The following PEX5L variants were observed in gnomAD, a reference collection of about 807,000 sequenced individuals.
PEX5L encodes the protein peroxisomal biogenesis factor 5 like, also known as PEX5-related protein.
A neutral mutation model predicts 84.0 loss-of-function variants in PEX5L; 30 were observed. The ratio of observed to expected loss-of-function variants is 0.36; its 90% CI spans 0.27 to 0.48. The LOEUF (loss-of-function observed/expected upper bound fraction) is 0.48, where lower values mean the gene tolerates loss of function less well. PEX5L is among the 20% of genes least tolerant of loss of function. The probability of loss-of-function intolerance (pLI) is 0.99; values close to 1 mark genes in which losing one functional copy is unlikely to be tolerated. For missense variants in PEX5L, 533 were observed against 754.6 expected, an observed-to-expected ratio of 0.71 and a Z score of 3.44; for synonymous variants, 270 against 283.1, an observed-to-expected ratio of 0.95 and a Z score of 0.46.
At chr3:179,859,569 A>G (rs1241214606) in intron 7 of PEX5L, among the ~76,000 whole-genome samples, 2 of 152,212 alleles carry the variant, frequency 1.3e-5, no homozygotes, top group Non-Finnish European at 2.9e-5. Flanking sequence ...TGTGAGGAAG[A>G]TCAGCCTCCG....
intron 1 of PEX5L, 67 bp downstream of exon 1, chr3:180,036,511 CT>C (rs1791920189): frequency 6.8e-7 from 1 of 1,475,984 alleles, no homozygotes; most frequent in Admixed American, 1.7e-5. Flanking sequence ...ACCACAGAAA[CT>C]TGGTGAACCG....
intron 3 of PEX5L, among the ~76,000 whole-genome samples, chr3:179,896,951 A>C (rs1356466767): frequency 6.6e-6 from 1 of 152,158 alleles, no homozygotes; most frequent in African/African-American, 2.4e-5. Context: ...GTTATTAGGA[A>C]GTAGCATCTC....
At chr3:179,858,918 T>C in intron 8 of PEX5L, 144 bp downstream of exon 8, 1 of 622,540 alleles carries the variant, frequency 1.6e-6, no homozygotes, top group Non-Finnish European at 2.9e-6. Flanking sequence ...TACCAAATGA[T>C]TGTCTCATTT....
At chr3:179,989,692 ATGAT>A (rs745556892) in intron 1 of PEX5L, among the ~76,000 whole-genome samples, 2 of 152,174 alleles carry the variant, frequency 1.3e-5, no homozygotes, top group Non-Finnish European at 2.9e-5. Flanking sequence ...GATTATGAAA[ATGAT>A]TGATTGAGAA....
chr3:179,876,652 G>A (rs1752516038), intron 5 of PEX5L, among the ~76,000 whole-genome samples: 1 of 152,076 alleles, frequency 6.6e-6, no homozygotes, highest in African/African-American at 2.4e-5. Flanking sequence ...ACTGCTGTGT[G>A]ACCATCACCA....
chr3:179,948,114 T>C (rs906114002), intron 2 of PEX5L, among the ~76,000 whole-genome samples: 5 of 152,216 alleles, frequency 3.3e-5, no homozygotes, highest in Admixed American at 6.5e-5. Flanking sequence ...TTAAAAGCAT[T>C]ACCATCTAGG....
chr3:179,837,708 G>A (rs371338267), intron 8 of PEX5L, among the ~76,000 whole-genome samples: 2 of 152,212 alleles, frequency 1.3e-5, no homozygotes, highest in African/African-American at 4.8e-5. Context: ...GCTAAATAGT[G>A]GAATTGCTAC....
At chr3:180,017,525 T>C (rs1439924418) in intron 1 of PEX5L, among the ~76,000 whole-genome samples, 2 of 152,194 alleles carry the variant, frequency 1.3e-5, no homozygotes, top group African/African-American at 2.4e-5. Flanking sequence ...CAAAACACTA[T>C]ACATATGACC....
chr3:179,894,937 C>T (rs569506322), intron 3 of PEX5L, among the ~76,000 whole-genome samples: 4 of 152,148 alleles, frequency 2.6e-5, no homozygotes, highest in Admixed American at 1.3e-4. Flanking sequence ...TCACTAAAGT[C>T]ATTTCATTCT....
At chr3:179,991,189 G>A (rs764525135) in intron 1 of PEX5L, among the ~76,000 whole-genome samples, 2 of 152,146 alleles carry the variant, frequency 1.3e-5, no homozygotes, top group African/African-American at 4.8e-5. Context: ...TGGAGCTCCC[G>A]GATGCTTGCC....
chr3:179,926,974 T>G (rs1032212449), intron 2 of PEX5L, among the ~76,000 whole-genome samples: 5 of 152,264 alleles, frequency 3.3e-5, no homozygotes, highest in Admixed American at 2.6e-4. Context: ...GTCTCAGTTT[T>G]GAATATATAT....
At chr3:179,804,369 A>G (rs942290858) in intron 14 of PEX5L, 2 of 152,178 alleles carry the variant, frequency 1.3e-5, no homozygotes, top group African/African-American at 4.8e-5. Flanking sequence ...ATTTAAAAGC[A>G]TCACGTTATA....
At chr3:179,831,338 T>G (rs913241187) in intron 8 of PEX5L, among the ~76,000 whole-genome samples, 7 of 150,150 alleles carry the variant, frequency 4.7e-5, no homozygotes, top group African/African-American at 1.5e-4. Context: ...AAAAAAAACC[T>G]ACAAGACCGC....
intron 8 of PEX5L, among the ~76,000 whole-genome samples, chr3:179,826,963 G>A (rs1730726359): frequency 6.6e-6 from 1 of 152,192 alleles, no homozygotes; most frequent in African/African-American, 2.4e-5. Context: ...AGTGGTAACT[G>A]TAATTCAGGA....
At chr3:179,986,552 G>A (rs1005545241) in intron 1 of PEX5L, among the ~76,000 whole-genome samples, 22 of 151,892 alleles carry the variant, frequency 1.4e-4, no homozygotes, top group East Asian at 1.4e-3. Flanking sequence ...ACAGGCGCCC[G>A]CCACCACGCC....
intron 2 of PEX5L, among the ~76,000 whole-genome samples, chr3:179,906,514 C>T (rs968989867): frequency 1.3e-5 from 2 of 152,104 alleles, no homozygotes; most frequent in Non-Finnish European, 1.5e-5. Context: ...ATAAATAATA[C>T]ATATTTCATA....
At chr3:179,892,231 C>T (rs975420125) in intron 3 of PEX5L, among the ~76,000 whole-genome samples, 2 of 152,054 alleles carry the variant, frequency 1.3e-5, no homozygotes, top group African/African-American at 4.8e-5. Flanking sequence ...CTCCCCTTTC[C>T]TCTTCTCAAT....
chr3:180,016,396 T>C (rs1377816774), intron 1 of PEX5L, among the ~76,000 whole-genome samples: 1 of 152,238 alleles, frequency 6.6e-6, no homozygotes, highest in Admixed American at 6.5e-5. Flanking sequence ...CATGCCCTTG[T>C]CTTTAAGAAA....
chr3:179,976,889 G>A (rs1785852868), intron 1 of PEX5L, among the ~76,000 whole-genome samples: 1 of 151,946 alleles, frequency 6.6e-6, no homozygotes, highest in African/African-American at 2.4e-5. Flanking sequence ...TCATGAAGAA[G>A]GAACTAGAAA....
Sources: allele counts gnomAD v4.1 joint callset (sites outside exome capture counted in the v4.1 genomes callset), GRCh38; gene constraint gnomAD v4.1.1; transcripts MANE v1.5; gene names NCBI Gene and HGNC (gene_info 2026-07-23, HGNC 2026-07-21).